CUL5: variants seen among roughly 807,000 people sequenced by gnomAD.
The protein encoded by CUL5 is cullin 5.
CUL5 carries 26 observed loss-of-function variants against 108.8 expected under a neutral mutation model. The observed-to-expected ratio is 0.24, with a 90% confidence interval of 0.18 to 0.33. CUL5 has a LOEUF of 0.33. CUL5 is among the 10% of genes least tolerant of loss of function. CUL5 has a pLI of 1.00. For synonymous variants in CUL5, 334 were observed against 298.0 expected (o/e 1.12, Z -1.25); for missense variants, 524 against 909.2 (o/e 0.58, Z 5.45).
In CUL5 at chr11:108,008,928, G is replaced by A. The variant is rs910383991; in HGVS notation, c.-421G>A. ...TCCCCGCCCTCGCGTCACGTGACGT[G>A]GCCGCGGAACCTGAGCTGCGGGGCC... On this transcript the variant is annotated 5_prime_UTR_variant, in exon 1 of 19. Coordinates refer to ENST00000393094, the MANE Select transcript of CUL5 (RefSeq NM_003478.6). The A allele has an allele frequency of 5.9e-6, 1 of 169,134 alleles. No homozygotes were observed. Among genetic ancestry groups the A allele is most frequent in the Non-Finnish European group, 1.3e-5 (1 of 78,916 alleles). 10.5% of individuals were successfully genotyped at this position (169,134 alleles called of 1,614,324 possible).
Position 108,009,445 on chromosome 11 carries a change from A to G in CUL5, c.24+73A>G, listed in dbSNP as rs954852052. ...CGGCTCTTTGGGAAAGGCACGGCTCAGGTTCAGCTGCGAAGTGTGGGAGTG... is the reference window on the plus strand; with the variant it reads ...CGGCTCTTTGGGAAAGGCACGGCTCGGGTTCAGCTGCGAAGTGTGGGAGTG... On this transcript the variant is annotated intron_variant, in intron 1 of 18. Coordinates refer to ENST00000393094, the MANE Select transcript of CUL5 (RefSeq NM_003478.6). 19 of 1,528,926 alleles carry G rather than the reference A, an allele frequency of 1.2e-5. No individual in the cohort carries two copies. In the South Asian group the frequency reaches 1.4e-4, roughly 11 times the overall value. The allele number at this position is 1,528,926 out of a possible 1,614,324, so 94.7% of individuals were successfully genotyped here.
chr11:108,064,006 T>C lies in CUL5; in HGVS notation c.781-6090T>C, dbSNP rs143576238. On this transcript the variant is annotated intron_variant, in intron 7 of 18. Transcript: ENST00000393094. ...GTAGTTTGACATCTTCCTTTCCAAT[T>C]TGGATGCTCTTTCTTTCTCTTGTCT... 2.0e-3 allele frequency among the ~76,000 whole-genome samples: 302 copies of C among 152,332 alleles called. 1 individual carries two copies. The highest frequency in any genetic ancestry group is 1.3e-3 in the Non-Finnish European group (87 of 68,030).
At chr11:108,100,404 G>A (rs1864626625) in intron 18 of CUL5, among the ~76,000 whole-genome samples, 1 of 152,130 alleles carries the variant, frequency 6.6e-6, no homozygotes. Context: ...CTAGCCAGCT[G>A]TGGTGGCGCA....
intron 7 of CUL5, among the ~76,000 whole-genome samples, chr11:108,059,443 C>T (rs1057377802): frequency 6.6e-6 from 1 of 151,910 alleles, no homozygotes; most frequent in Admixed American, 6.6e-5. Flanking sequence ...ACCAGGGCAC[C>T]GATAGGGAGG....
At chr11:108,037,425 G>A (rs1862774604) in intron 2 of CUL5, among the ~76,000 whole-genome samples, 1 of 152,184 alleles carries the variant, frequency 6.6e-6, no homozygotes, top group South Asian at 2.1e-4. Context: ...CCTAGGCTCA[G>A]TGATTGCTGG....
intron 13 of CUL5, among the ~76,000 whole-genome samples, chr11:108,091,695 T>TCACACACACACACACA (rs71303233): frequency 0.011 from 1,580 of 138,114 alleles, 15 homozygotes; most frequent in Middle Eastern, 0.021. Flanking sequence ...TCTCTCTCAC[T>TCACACACACACACACA]CACACACACA....
rs1002410413 is a variant in CUL5 at position 108,009,140 on chromosome 11, C to G, written c.-209C>G. On this transcript the variant is annotated 5_prime_UTR_variant, in exon 1 of 19. Coordinates refer to ENST00000393094, the MANE Select transcript of CUL5 (RefSeq NM_003478.6). ...GCATGAGGTCTTTCGCGTGGGGAAG[C>G]TCCGGTGACCATGTAGGGGAGAAGA... 5.0e-6 allele frequency: 3 copies of G among 599,298 alleles called. No individual in the cohort carries two copies. In the African/African-American group the frequency reaches 5.7e-5, roughly 11 times the overall value. 37.1% of individuals were successfully genotyped at this position (599,298 alleles called of 1,614,324 possible). A position where few individuals can be genotyped will look rare whatever the true frequency, so the allele number is the denominator to read the frequency against.
rs536382427 is a variant in CUL5 at position 108,035,301 on chromosome 11, A to G, written c.134+1390A>G. Reference sequence around the variant, plus strand: ...TCTCCATATCAGATACATAAGACCAATCAGCAGCTTGATTTTGGATAGTCC... The same window carrying G: ...TCTCCATATCAGATACATAAGACCAGTCAGCAGCTTGATTTTGGATAGTCC... On this transcript the variant is annotated intron_variant, in intron 2 of 18. Transcript: ENST00000393094. Among the ~76,000 whole-genome samples the G allele has an allele frequency of 4.6e-5, 7 of 152,314 alleles. No homozygotes were observed. In the East Asian group the frequency reaches 1.2e-3, roughly 25 times the overall value.
At position 108,010,921 on chromosome 11, in the gene CUL5, A is replaced by G. The variant is rs903419902; in HGVS notation, c.24+1549A>G. On this transcript the variant is annotated intron_variant, in intron 1 of 18. Coordinates refer to ENST00000393094, the MANE Select transcript of CUL5 (RefSeq NM_003478.6). ...TTAATCTTCACAGTGTTCCTACAAT[A>G]TAGGTGCTATTGATAATTCTGAGTT... is the stretch of plus-strand genomic sequence containing the variant. 3.9e-5 allele frequency among the ~76,000 whole-genome samples: 6 copies of G among 152,198 alleles called. No homozygotes were observed. In the East Asian group the frequency reaches 1.2e-3, roughly 29 times the overall value.
chr11:108,078,428 CTT>C (rs1397141372), intron 11 of CUL5, among the ~76,000 whole-genome samples, 188 bp downstream of exon 11: 1 of 151,376 alleles, frequency 6.6e-6, no homozygotes, highest in African/African-American at 2.4e-5. Flanking sequence ...CAAAAATTGA[CTT>C]TATTTTTTCA....
At chr11:108,057,015 T>G (rs1413320525) in intron 7 of CUL5, among the ~76,000 whole-genome samples, 1 of 152,154 alleles carries the variant, frequency 6.6e-6, no homozygotes, top group African/African-American at 2.4e-5. Context: ...TGACGTACAT[T>G]TAGCACCTGG....
In CUL5 at chr11:108,052,718, A is replaced by C; in HGVS notation, c.470A>C (p.Asp157Ala). 6.2e-7 allele frequency: 1 copy of C among 1,613,554 alleles called. No individual in the cohort carries two copies. Among genetic ancestry groups the C allele is most frequent in the Non-Finnish European group, 8.5e-7 (1 of 1,179,564 alleles). The change falls in exon 5 of 19, where the codon GAT (aspartate) becomes GCT (alanine). Residue 157 changes from aspartate to alanine, a missense_variant. Physicochemically the swap from Asp to Ala is moderately radical, Grantham distance 126. Around this residue, in one of 8 missense-constraint regions of CUL5, gnomAD observed 170 missense variants for 305.1 expected, o/e 0.56. Coordinates refer to ENST00000393094, the MANE Select transcript of CUL5 (RefSeq NM_003478.6). ...TCAAACATAAAAAACAGACTCCAAG[A>C]TAGTGCAATGAAGCTGGTACATGCT... is the stretch of plus-strand genomic sequence containing the variant. ...IFSNIKNRLQ[D>A]SAMKLVHAER... is the part of the protein sequence containing the mutation.
intron 7 of CUL5, among the ~76,000 whole-genome samples, chr11:108,062,077 A>G (rs1239220098): frequency 6.6e-6 from 1 of 152,234 alleles, no homozygotes; most frequent in African/African-American, 2.4e-5. Flanking sequence ...CTGGGGATAC[A>G]GAGCCAAAGC....
intron 7 of CUL5, among the ~76,000 whole-genome samples, chr11:108,060,681 CA>C (rs1321564625): frequency 6.6e-6 from 1 of 151,902 alleles, no homozygotes; most frequent in Non-Finnish European, 1.5e-5. Context: ...ACTAAAAATA[CA>C]AAAAATTACC....
intron 1 of CUL5, among the ~76,000 whole-genome samples, chr11:108,023,733 C>G (rs191355058): frequency 1.0e-3 from 152 of 152,254 alleles, no homozygotes; most frequent in South Asian, 4.2e-3. Context: ...AGTTTAAACT[C>G]TTCTGTCAGT....
At chr11:108,058,870 G>A (rs1237022793) in intron 7 of CUL5, among the ~76,000 whole-genome samples, 2 of 152,146 alleles carry the variant, frequency 1.3e-5, no homozygotes, top group African/African-American at 4.8e-5. Flanking sequence ...TATAGCAGAT[G>A]AACAGAAATG....
chr11:108,087,504 T>G (rs1402802517), intron 11 of CUL5, among the ~76,000 whole-genome samples: 1 of 152,134 alleles, frequency 6.6e-6, no homozygotes, highest in East Asian at 1.9e-4. Flanking sequence ...GAAAATACAA[T>G]ATACTGCTGG....
intron 2 of CUL5, among the ~76,000 whole-genome samples, chr11:108,036,630 A>G (rs1171063048): frequency 2.6e-5 from 4 of 152,134 alleles, no homozygotes; most frequent in South Asian, 2.1e-4. Flanking sequence ...GGTACCCACC[A>G]CTGTGCCAGG....
At chr11:108,093,942 A>G (rs1288205021) in intron 13 of CUL5, among the ~76,000 whole-genome samples, 3 of 152,216 alleles carry the variant, frequency 2.0e-5, no homozygotes, top group Admixed American at 2.0e-4. Context: ...GCTTCAAGTG[A>G]TCCTCCTGCT....
Sources: gnomAD v4.1 joint callset for allele counts (sites outside exome capture counted in the v4.1 genomes callset) on GRCh38, gnomAD v4.1.1 for gene constraint, gnomAD v4.1.1 regional missense constraint, MANE v1.5 for transcripts, NCBI Gene and HGNC (gene_info 2026-07-23, HGNC 2026-07-21) for gene names.